BCAS3: variants seen among roughly 807,000 people sequenced by gnomAD.
BCAS3 encodes BCAS4/BCAS3 fusion.
BCAS3 carries 53 observed loss-of-function variants against 116.1 expected under a neutral mutation model. The observed-to-expected ratio is 0.46, with a 90% confidence interval of 0.37 to 0.57. The LOEUF (loss-of-function observed/expected upper bound fraction) is 0.57. Ranked by LOEUF, BCAS3 falls within the 20% of genes least tolerant of loss-of-function variation. The pLI, the probability that BCAS3 is intolerant of heterozygous loss-of-function variation, is 0.00. For missense variants in BCAS3, 917 were observed against 1,165.4 expected (o/e 0.79, Z 3.10); for synonymous variants, 391 against 408.2 (o/e 0.96, Z 0.51).
chr17:60,874,718 C>T lies in BCAS3; in HGVS notation c.641C>T (p.Thr214Met), dbSNP rs766394914. 3.1e-5 allele frequency: 50 copies of T among 1,610,224 alleles called. No individual in the cohort carries two copies. The highest frequency in any genetic ancestry group is 2.7e-4 in the East Asian group (12 of 44,606). ...KIAAFDSCTF[T>M]KKFFVTSCYP... ...GCTGCCTTTGATAGCTGTACTTTCA[C>T]GAAGAAATTCTTTGTTACAAGTATG... is the stretch of plus-strand genomic sequence containing the variant. The change falls in exon 9 of 24, where the codon ACG (threonine) becomes ATG (methionine). Residue 214 changes from threonine to methionine, a missense_variant. By Grantham distance (81) the Thr-to-Met change is moderately conservative. Coordinates refer to ENST00000407086, the MANE Select transcript of BCAS3 (RefSeq NM_017679.5).
intron 7 of BCAS3, among the ~76,000 whole-genome samples, chr17:60,849,230 A>AT (rs944562675): frequency 6.6e-5 from 10 of 151,914 alleles, no homozygotes; most frequent in Non-Finnish European, 1.3e-4. Context: ...TTGAGACAGA[A>AT]TTTTTTTGAA....
At position 61,083,707 on chromosome 17, in the gene BCAS3, TGCCTCA is replaced by T. The variant is rs1419678628; in HGVS notation, c.2328-754_2328-749del. 1.3e-5 allele frequency among the ~76,000 whole-genome samples: 2 copies of T among 151,928 alleles called. No individual in the cohort carries two copies. The highest frequency in any genetic ancestry group is 6.6e-5 in the Admixed American group (1 of 15,238). On this transcript the variant is annotated intron_variant, in intron 21 of 23. Transcript: ENST00000407086. This position sits in a 1 kb window ranked among gnomAD's most constrained non-coding sequence, Gnocchi z 4.9. ...GGTTTTTGGGTTCCAGCAGTTCTCC[TGCCTCA>T]GCCTCTTGAGTAGCTGGGACTATAG...
At chr17:61,294,311 G>T (rs1458677792) in intron 22 of BCAS3, among the ~76,000 whole-genome samples, 1 of 152,070 alleles carries the variant, frequency 6.6e-6, no homozygotes, top group African/African-American at 2.4e-5. Flanking sequence ...CCTACTCACG[G>T]GTCCTTTCCC....
chr17:61,204,506 C>G lies in BCAS3; in HGVS notation c.2425+119942C>G, dbSNP rs1367749716. 6.6e-6 allele frequency among the ~76,000 whole-genome samples: 1 copy of G among 152,116 alleles called. No homozygotes were observed. The highest frequency in any genetic ancestry group is 2.4e-5 in the African/African-American group (1 of 41,418). Reference sequence around the variant, plus strand: ...AACATTGAGTGGAATATTTTTTAAGCTGAAATACCCATGTTAAAAATAACA... The same window carrying G: ...AACATTGAGTGGAATATTTTTTAAGGTGAAATACCCATGTTAAAAATAACA... On this transcript the variant is annotated intron_variant, in intron 22 of 23. Transcript: ENST00000407086. This position sits in a 1 kb window ranked among gnomAD's most constrained non-coding sequence, Gnocchi z 4.2.
chr17:61,370,700 A>C (rs1280066786), intron 23 of BCAS3, among the ~76,000 whole-genome samples: 1 of 152,206 alleles, frequency 6.6e-6, no homozygotes, highest in African/African-American at 2.4e-5. Flanking sequence ...AACTACTCCC[A>C]TTTTAAAGGC....
rs924257858 is a variant in BCAS3 at position 61,323,420 on chromosome 17, C to T, written c.2426-44907C>T. Among the ~76,000 whole-genome samples, 7 of 152,228 alleles carry T rather than the reference C, an allele frequency of 4.6e-5. No individual in the cohort carries two copies. Among genetic ancestry groups the T allele is most frequent in the Non-Finnish European group, 8.8e-5 (6 of 68,044 alleles). On this transcript the variant is annotated intron_variant, in intron 22 of 23. Transcript: ENST00000407086. This position sits in a 1 kb window ranked among gnomAD's most constrained non-coding sequence, Gnocchi z 4.6. ...CCGGGTTCTAGTCTCAGCTTTGACCCTCCCTGGTAAGCTGTATAATCACAG... is the reference window on the plus strand; with the variant it reads ...CCGGGTTCTAGTCTCAGCTTTGACCTTCCCTGGTAAGCTGTATAATCACAG...
At chr17:61,172,336 TATA>T (rs1437420997) in intron 22 of BCAS3, among the ~76,000 whole-genome samples, 1 of 152,208 alleles carries the variant, frequency 6.6e-6, no homozygotes. Flanking sequence ...AACTATTTAC[TATA>T]ATAATTCATA....
chr17:61,023,207 T>G lies in BCAS3; in HGVS notation c.1637+7306T>G, dbSNP rs190499747. Among the ~76,000 whole-genome samples, 11 of 152,350 alleles carry G rather than the reference T, an allele frequency of 7.2e-5. No homozygotes were observed. The highest frequency in any genetic ancestry group is 7.2e-4 in the Admixed American group (11 of 15,308). On this transcript the variant is annotated intron_variant, in intron 16 of 23. Coordinates refer to ENST00000407086, the MANE Select transcript of BCAS3 (RefSeq NM_017679.5). This position sits in a 1 kb window ranked among gnomAD's most constrained non-coding sequence, Gnocchi z 4.8. Reference sequence around the variant, plus strand: ...TGTTTTAACAGAGGGCACACAGAATTTAGAAGTCATTAGCATCCCTAGAAT... The same window carrying G: ...TGTTTTAACAGAGGGCACACAGAATGTAGAAGTCATTAGCATCCCTAGAAT...
rs1317321505 is a variant in BCAS3 at position 61,337,756 on chromosome 17, G to C, written c.2426-30571G>C. 6.6e-6 allele frequency among the ~76,000 whole-genome samples: 1 copy of C among 152,010 alleles called. No homozygotes were observed. The highest frequency in any genetic ancestry group is 2.4e-5 in the African/African-American group (1 of 41,364). On this transcript the variant is annotated intron_variant, in intron 22 of 23. Coordinates refer to ENST00000407086, the MANE Select transcript of BCAS3 (RefSeq NM_017679.5). The surrounding 1 kb of genome is among the most constrained non-coding windows in gnomAD (Gnocchi z 4.8). ...TCCTCTAGCCTTAAAGTGTCCACTAGGTTCTTGGCTGAAACCTTTCAGCAT... is the reference window on the plus strand; with the variant it reads ...TCCTCTAGCCTTAAAGTGTCCACTACGTTCTTGGCTGAAACCTTTCAGCAT...
At chr17:60,708,701 G>C (rs1259619997) in intron 4 of BCAS3, among the ~76,000 whole-genome samples, 2 of 152,012 alleles carry the variant, frequency 1.3e-5, no homozygotes, top group African/African-American at 4.8e-5. Context: ...ACTAATTTTT[G>C]TAGTTTTTAG....
chr17:61,057,165 C>G (rs1260201197), intron 19 of BCAS3, among the ~76,000 whole-genome samples: 1 of 152,180 alleles, frequency 6.6e-6, no homozygotes, highest in Non-Finnish European at 1.5e-5. Context: ...TACTTACCAT[C>G]TTTTAAATAA....
chr17:60,786,219 A>G (rs1226356914), intron 6 of BCAS3, among the ~76,000 whole-genome samples: 7 of 152,124 alleles, frequency 4.6e-5, no homozygotes, highest in African/African-American at 1.7e-4. Flanking sequence ...GAGAATATAT[A>G]TAGTATGAGG....
In BCAS3 at chr17:61,019,324, T is replaced by C. The variant is rs1017478035; in HGVS notation, c.1637+3423T>C. On this transcript the variant is annotated intron_variant, in intron 16 of 23. Transcript: ENST00000407086. The surrounding 1 kb of genome is among the most constrained non-coding windows in gnomAD (Gnocchi z 5.6). Reference sequence around the variant, plus strand: ...CTCATGATCTGAAGTGAAACTTCCATGAAACCTATTCCTGGTGCCAAAAAG... The same window carrying C: ...CTCATGATCTGAAGTGAAACTTCCACGAAACCTATTCCTGGTGCCAAAAAG... 6.6e-6 allele frequency among the ~76,000 whole-genome samples: 1 copy of C among 152,216 alleles called. No individual in the cohort carries two copies. The highest frequency in any genetic ancestry group is 1.5e-5 in the Non-Finnish European group (1 of 68,028).
intron 23 of BCAS3, chr17:61,389,428 C>T (rs1443198236): frequency 6.6e-6 from 1 of 152,472 alleles, no homozygotes; most frequent in Non-Finnish European, 1.5e-5. Flanking sequence ...GCCCTGGGAA[C>T]TGTTAGGAGT....
intron 22 of BCAS3, among the ~76,000 whole-genome samples, chr17:61,237,254 T>C (rs1205213826): frequency 6.6e-6 from 1 of 152,118 alleles, no homozygotes; most frequent in East Asian, 1.9e-4. Context: ...CAAAGGATTG[T>C]AAAATGCACC....
In BCAS3 at chr17:61,322,027, A is replaced by G. The variant is rs2055264098; in HGVS notation, c.2426-46300A>G. On this transcript the variant is annotated intron_variant, in intron 22 of 23. Transcript: ENST00000407086. ...CAGCTCACCGCAACTTCCGCCTCCC[A>G]GGTTCAAGCAATTCTCCTGCCTCAG... Among the ~76,000 whole-genome samples the G allele has an allele frequency of 1.3e-5, 2 of 151,986 alleles. 1 individual carries two copies. Among genetic ancestry groups the G allele is most frequent in the African/African-American group, 4.8e-5 (2 of 41,384 alleles).
rs1015434561 is a variant in BCAS3, at chr17:61,122,688, C to T, written c.2425+38124C>T. Among the ~76,000 whole-genome samples the T allele has an allele frequency of 1.3e-5, 2 of 152,146 alleles. No homozygotes were observed. The highest frequency in any genetic ancestry group is 1.3e-4 in the Admixed American group (2 of 15,278). On this transcript the variant is annotated intron_variant, in intron 22 of 23. Transcript: ENST00000407086. The surrounding 1 kb of genome is among the most constrained non-coding windows in gnomAD (Gnocchi z 4.6). The stretch of plus-strand genomic sequence containing the variant: ...GGGAAATCATATACATTTCCTTAAA[C>T]TCACATGCTGAATTTTCCCACATAG...
intron 22 of BCAS3, among the ~76,000 whole-genome samples, chr17:61,195,888 T>G (rs1382497359): frequency 6.6e-6 from 1 of 152,176 alleles, no homozygotes; most frequent in Non-Finnish European, 1.5e-5. Context: ...CTGGCTATCT[T>G]TGGGAATGAT....
At chr17:61,154,254 A>T (rs184265608) in intron 22 of BCAS3, among the ~76,000 whole-genome samples, 7 of 152,316 alleles carry the variant, frequency 4.6e-5, no homozygotes, top group African/African-American at 1.7e-4. Flanking sequence ...AATACAGCCA[A>T]GATTGTGAAC....
Sources: gnomAD v4.1 joint callset for allele counts (sites outside exome capture counted in the v4.1 genomes callset) on GRCh38, gnomAD v4.1.1 for gene constraint, Gnocchi (gnomAD v3.1) non-coding constraint, MANE v1.5 for transcripts, NCBI Gene and HGNC (gene_info 2026-07-23, HGNC 2026-07-21) for gene names.